Variants in EFHB observed in about 807,000 individuals in gnomAD.
The protein encoded by EFHB is EF-hand domain-containing family member B.
EFHB carries 91 observed loss-of-function variants against 87.2 expected under a neutral mutation model. That is an observed-to-expected ratio of 1.04 (90% CI 0.88 to 1.24). EFHB has a LOEUF of 1.24. Ranked by LOEUF, EFHB falls within the 50% of genes most tolerant of loss-of-function variation. The pLI is 0.00. For missense variants in EFHB, 1,084 were observed against 998.8 expected (o/e 1.09, Z -1.15); for synonymous variants, 325 against 333.6 (o/e 0.97, Z 0.28).
At chr3:19,938,440 T>A (rs1211915249), upstream of EFHB, among the ~76,000 whole-genome samples, 1 of 152,212 alleles carries the variant, frequency 6.6e-6, no homozygotes, top group Non-Finnish European at 1.5e-5. Flanking sequence ...TTGAAATGCA[T>A]AAAGTGTTGA....
upstream of EFHB, among the ~76,000 whole-genome samples, chr3:19,934,868 G>A (rs1695973145): frequency 6.6e-6 from 1 of 152,058 alleles, no homozygotes; most frequent in African/African-American, 2.4e-5. Flanking sequence ...AAGTCCTTGA[G>A]AACACTTACA....
intron 1 of EFHB, among the ~76,000 whole-genome samples, chr3:19,924,667 T>C (rs1202259739): frequency 6.6e-6 from 1 of 152,228 alleles, no homozygotes; most frequent in Non-Finnish European, 1.5e-5. Context: ...TTGTTTTATA[T>C]CTGCATGATT....
chr3:19,937,429 TGAA>T (rs1696049957), upstream of EFHB, among the ~76,000 whole-genome samples: 1 of 152,096 alleles, frequency 6.6e-6, no homozygotes, highest in African/African-American at 2.4e-5. Flanking sequence ...ATTGTGACCA[TGAA>T]GAAGTATTCT....
chr3:19,940,438 TTATC>T, intron 1 of EFHB: 3 of 474,046 alleles, frequency 6.3e-6, no homozygotes, highest in Non-Finnish European at 1.3e-5. Context: ...AGCCTGATTC[TTATC>T]TATCCAGTTA....
rs1244635512 is a variant in EFHB at position 19,920,508 on chromosome 3, G to A, written c.849C>T (p.Pro283=). The A allele has an allele frequency of 6.2e-7, 1 of 1,601,358 alleles. No homozygotes were observed. The highest frequency in any genetic ancestry group is 8.5e-7 in the Non-Finnish European group (1 of 1,175,462). ...RVATCLTEKL[P]RLITPPEAKK... Reference sequence around the variant, plus strand: ...AAGGTATATTGAAAGTGCTCACCCTGGGAAGTTTTTCAGTCAAGCAGGTTG... The same window carrying A: ...AAGGTATATTGAAAGTGCTCACCCTAGGAAGTTTTTCAGTCAAGCAGGTTG... The change falls in exon 2 of 13, where the codon CCC becomes CCT. Residue 283 remains proline, a synonymous_variant. Transcript: ENST00000295824.
chr3:19,898,930 T>G, intron 7 of EFHB, 85 bp from the exon 8 acceptor site: 1 of 1,347,700 alleles, frequency 7.4e-7, no homozygotes, highest in Non-Finnish European at 1.0e-6. Context: ...ATGTTCTTAG[T>G]AGCCCATATT....
chr3:19,912,294 CAT>C (rs748322893), intron 5 of EFHB, among the ~76,000 whole-genome samples: 49 of 152,210 alleles, frequency 3.2e-4, no homozygotes, highest in South Asian at 1.9e-3. Context: ...AGTGCCATGA[CAT>C]ATTTAAAGTG....
chr3:19,895,460 G>A lies in EFHB; in HGVS notation c.1725+1227C>T, dbSNP rs1367603479. Among the ~76,000 whole-genome samples the A allele has an allele frequency of 7.3e-5, 11 of 150,024 alleles. No homozygotes were observed. In the East Asian group the frequency reaches 9.7e-4, roughly 13 times the overall value. On this transcript the variant is annotated intron_variant, in intron 9 of 12. Coordinates refer to ENST00000295824, the MANE Select transcript of EFHB (RefSeq NM_144715.4). ...GGCGCCACTGCACTCCAGCCTGGGC[G>A]ACAGAGCGAGACTCGGTCTCAAAAA...
intron 5 of EFHB, among the ~76,000 whole-genome samples, chr3:19,909,592 C>T (rs1694986585): frequency 6.6e-6 from 1 of 152,102 alleles, no homozygotes; most frequent in South Asian, 2.1e-4. Context: ...ACTGGGACAC[C>T]AGCTGGGGCA....
rs191126398 is a variant in EFHB, at chr3:19,941,887, C to T, written c.-32+5032G>A. On this transcript the variant is annotated intron_variant, in intron 1 of 14. Coordinates refer to the EFHB transcript ENST00000344838. ...AAAAAAAAAAGGCCAGGAACAGTGG[C>T]TCACACCTGTAATCCCAGCACTTTG... Among the ~76,000 whole-genome samples, 929 of 148,134 alleles carry T rather than the reference C, an allele frequency of 6.3e-3. 13 individuals carry two copies. The highest frequency in any genetic ancestry group is 0.021 in the African/African-American group (843 of 39,474).
intron 10 of EFHB, 107 bp from the exon 11 acceptor site, chr3:19,884,722 G>A: frequency 9.1e-7 from 1 of 1,093,520 alleles, no homozygotes; most frequent in Non-Finnish European, 1.3e-6. Context: ...CTTGCTAATG[G>A]AAACAGCTGG....
upstream of EFHB, among the ~76,000 whole-genome samples, chr3:19,934,522 C>T (rs1441328249): frequency 6.6e-6 from 1 of 151,726 alleles, no homozygotes; most frequent in Non-Finnish European, 1.5e-5. Flanking sequence ...CCCCTCTTCC[C>T]CTCTATCCCT....
rs568716698 is a variant in EFHB at position 19,943,863 on chromosome 3, A to C, written c.-32+3056T>G. On this transcript the variant is annotated intron_variant, in intron 1 of 14. Coordinates refer to the EFHB transcript ENST00000344838. ...ATAACCATTAAGTGGAACGATGCGTAATATCATATCAAATGGTGCTAAGTG... is the reference window on the plus strand; with the variant it reads ...ATAACCATTAAGTGGAACGATGCGTCATATCATATCAAATGGTGCTAAGTG... 3.0e-4 allele frequency among the ~76,000 whole-genome samples: 45 copies of C among 152,378 alleles called. 1 individual carries two copies. Among genetic ancestry groups the C allele is most frequent in the African/African-American group, 1.0e-3 (42 of 41,588 alleles).
rs758117261 is a variant in EFHB at position 19,934,039 on chromosome 3, C to T, written c.-21G>A. The T allele has an allele frequency of 3.2e-6, 5 of 1,572,118 alleles. No individual in the cohort carries two copies. Among genetic ancestry groups the T allele is most frequent in the African/African-American group, 1.3e-5 (1 of 74,302 alleles). Reference sequence around the variant, plus strand: ...TTCATGGACGATTTCTCCCCATTCTCATTTCTCCAAGAGCGCTCATCTCTA... The same window carrying T: ...TTCATGGACGATTTCTCCCCATTCTTATTTCTCCAAGAGCGCTCATCTCTA... On this transcript the variant is annotated 5_prime_UTR_variant, in exon 1 of 13. The change abolishes an upstream ATG in the 5' untranslated region. Coordinates refer to ENST00000295824, the MANE Select transcript of EFHB (RefSeq NM_144715.4).
intron 5 of EFHB, among the ~76,000 whole-genome samples, chr3:19,911,637 G>A (rs954718428): frequency 2.6e-5 from 4 of 151,848 alleles, no homozygotes; most frequent in African/African-American, 7.3e-5. Context: ...AAATTCAATT[G>A]ACAAACTGAA....
intron 11 of EFHB, among the ~76,000 whole-genome samples, chr3:19,883,322 A>G (rs2071728170): frequency 6.6e-6 from 1 of 152,144 alleles, no homozygotes. Context: ...AATGCTAAAA[A>G]GTTTGTAAAT....
chr3:19,918,505 T>C, intron 3 of EFHB, 93 bp from the exon 4 acceptor site: 3 of 1,174,688 alleles, frequency 2.6e-6, no homozygotes, highest in Non-Finnish European at 3.5e-6. Context: ...GAGGAGACTG[T>C]ACGATTGTGG....
chr3:19,939,370 C>CT (rs147510880), intron 1 of EFHB, among the ~76,000 whole-genome samples: 2,821 of 64,448 alleles, frequency 0.044, 621 homozygotes, highest in African/African-American at 0.06. Context: ...GTTGGGTCTC[C>CT]TTTTTTTTTT....
At chr3:19,936,414 A>G (rs921396329), upstream of EFHB, 1 of 517,254 alleles carries the variant, frequency 1.9e-6, no homozygotes, top group Admixed American at 3.4e-5. Context: ...AATTTCAAAA[A>G]TCAGCCAGGT....
Sources: allele counts gnomAD v4.1 joint callset (sites outside exome capture counted in the v4.1 genomes callset), GRCh38; gene constraint gnomAD v4.1.1; transcripts MANE v1.5; gene names NCBI Gene and HGNC (gene_info 2026-07-23, HGNC 2026-07-21).